The following DNAH8 variants were observed in gnomAD, a reference collection of about 807,000 sequenced individuals.
The protein encoded by DNAH8 is dynein axonemal heavy chain 8.
A neutral mutation model predicts 562.1 loss-of-function variants in DNAH8; 382 were observed. That is an observed-to-expected ratio of 0.68 (90% CI 0.63 to 0.74). The LOEUF (loss-of-function observed/expected upper bound fraction) is 0.74. Ranked by LOEUF, DNAH8 falls within the 30% of genes least tolerant of loss-of-function variation. DNAH8 has a pLI of 0.00. For synonymous variants in DNAH8, 1,881 were observed against 1,919.4 expected (o/e 0.98, Z 0.52); for missense variants, 5,203 against 5,620.4 (o/e 0.93, Z 2.37).
chr6:38,840,362 C>T (rs1426696001), intron 33 of DNAH8, among the ~76,000 whole-genome samples: 1 of 152,152 alleles, frequency 6.6e-6, no homozygotes, highest in Admixed American at 6.5e-5. Context: ...TCATCTATTT[C>T]CTTGAATACA....
chr6:38,918,104 A>G lies in DNAH8; in HGVS notation c.10488A>G (p.Ile3496Met). ...TGTCTTGGACACTTGCTATGGCAAT[A>G]TTTTATGGCATCAATAGAGAAGTGT... is the stretch of plus-strand genomic sequence containing the variant. ...GLLSWTLAMA[I>M]FYGINREVLP... Residue 3496 changes from isoleucine (I) to methionine (M), a missense_variant, in exon 70 of 93, where the codon ATA (isoleucine) becomes ATG (methionine). Transcript: ENST00000327475. 3.1e-6 allele frequency: 5 copies of G among 1,613,714 alleles called. No individual in the cohort carries two copies. In the South Asian group the frequency reaches 3.3e-5, roughly 11 times the overall value.
chr6:38,954,115 A>G (rs928301244), intron 82 of DNAH8, among the ~76,000 whole-genome samples: 2 of 152,192 alleles, frequency 1.3e-5, no homozygotes, highest in Admixed American at 6.5e-5. Context: ...ACTGGTCAAG[A>G]TCTGTAGTGA....
intron 12 of DNAH8, among the ~76,000 whole-genome samples, chr6:38,770,933 G>T (rs1470744606): frequency 6.6e-6 from 1 of 152,168 alleles, no homozygotes; most frequent in Non-Finnish European, 1.5e-5. Flanking sequence ...GGATGTATAA[G>T]CATGTCCTCT....
intron 80 of DNAH8, among the ~76,000 whole-genome samples, chr6:38,949,045 G>A (rs1020595931): frequency 2.0e-5 from 3 of 152,076 alleles, no homozygotes; most frequent in Non-Finnish European, 2.9e-5. Context: ...TTGATTGTTA[G>A]GACCCGGGTG....
chr6:39,030,587 G>T lies in DNAH8; in HGVS notation c.*195G>T. On this transcript the variant is annotated 3_prime_UTR_variant, in exon 93 of 93. Coordinates refer to ENST00000327475, the MANE Select transcript of DNAH8 (RefSeq NM_001206927.2). ...AATATTCAAAAAGATAACTCTAAAT[G>T]AATGTTTTTTATTCTGGGAAATCAT... 1.9e-6 allele frequency: 1 copy of T among 528,742 alleles called. No homozygotes were observed. 32.8% of individuals were successfully genotyped at this position (528,742 alleles called of 1,614,324 possible). A position where few individuals can be genotyped will look rare whatever the true frequency, so the allele number is the denominator to read the frequency against.
intron 32 of DNAH8, among the ~76,000 whole-genome samples, chr6:38,835,768 C>G (rs1333415154): frequency 6.6e-6 from 1 of 151,944 alleles, no homozygotes; most frequent in Non-Finnish European, 1.5e-5. Context: ...GCAGCGAGCA[C>G]CAGTGGAGGG....
rs181172269 is a variant in DNAH8 at position 38,992,315 on chromosome 6, C to A, written c.13214+2143C>A. Among the ~76,000 whole-genome samples, 209 of 152,286 alleles carry A rather than the reference C, an allele frequency of 1.4e-3. 1 individual carries two copies. Among genetic ancestry groups the A allele is most frequent in the African/African-American group, 4.6e-3 (193 of 41,558 alleles). ...TGATTTGTTATTGTCCAACAACCAC[C>A]ACTAAACCATAAGTTCCACTACACC... On this transcript the variant is annotated intron_variant, in intron 88 of 92. Coordinates refer to ENST00000327475, the MANE Select transcript of DNAH8 (RefSeq NM_001206927.2).
intron 21 of DNAH8, among the ~76,000 whole-genome samples, chr6:38,792,091 G>A (rs946923577): frequency 6.6e-6 from 1 of 151,988 alleles, no homozygotes; most frequent in Non-Finnish European, 1.5e-5. Flanking sequence ...GGCTTAGCCA[G>A]GACTTTTTTT....
intron 48 of DNAH8, among the ~76,000 whole-genome samples, chr6:38,869,738 A>AT (rs1289519415): frequency 6.6e-6 from 1 of 152,192 alleles, no homozygotes; most frequent in African/African-American, 2.4e-5. Context: ...GGGACTACAA[A>AT]TTATCATTTT....
chr6:38,723,289 A>AT (rs759525195), intron 2 of DNAH8, 48 bp from the exon 3 acceptor site: 486 of 1,578,408 alleles, frequency 3.1e-4, no homozygotes, highest in Non-Finnish European at 3.7e-4. Context: ...ACAGTTTGAT[A>AT]TTTTTTCTTC....
rs562930629 is a variant in DNAH8 at position 38,984,478 on chromosome 6, AC to A, written c.13053+172del. On this transcript the variant is annotated intron_variant, in intron 87 of 92. Transcript: ENST00000327475. ...CACACACGCACACACATGCACACAC[AC>A]ACACACACACACACACAACAACCAG... The A allele has an allele frequency of 1.9e-3, 1,087 of 557,830 alleles. 10 individuals carry two copies. Among genetic ancestry groups the A allele is most frequent in the African/African-American group, 0.019 (989 of 52,498 alleles). 34.6% of individuals were successfully genotyped at this position (557,830 alleles called of 1,614,324 possible).
rs148381082 is a variant in DNAH8, at chr6:38,939,849, G to A, written c.12007+861G>A. Among the ~76,000 whole-genome samples the A allele has an allele frequency of 1.0e-3, 155 of 152,316 alleles. 1 individual carries two copies. Among genetic ancestry groups the A allele is most frequent in the African/African-American group, 3.6e-3 (148 of 41,562 alleles). On this transcript the variant is annotated intron_variant, in intron 79 of 92. Transcript: ENST00000327475. The stretch of plus-strand genomic sequence containing the variant: ...CCCCATAAAGAAAGTGGCATTTGAG[G>A]TGGACCCTGAAGAGGTAGAAATGAG...
chr6:38,802,361 A>G (rs1021930368), intron 21 of DNAH8, among the ~76,000 whole-genome samples: 3 of 152,128 alleles, frequency 2.0e-5, no homozygotes, highest in African/African-American at 7.2e-5. Flanking sequence ...CTCTTGCTTC[A>G]GCCTCCTGAG....
intron 88 of DNAH8, among the ~76,000 whole-genome samples, chr6:39,000,623 C>T (rs1013356329): frequency 6.6e-6 from 1 of 152,194 alleles, no homozygotes; most frequent in African/African-American, 2.4e-5. Context: ...TTCCATCACC[C>T]CCAGATGGGA....
At chr6:38,823,789 A>G in intron 28 of DNAH8, 101 bp downstream of exon 28, 13 of 569,652 alleles carry the variant, frequency 2.3e-5, no homozygotes, top group Non-Finnish European at 3.8e-5. Context: ...CAATAGTATT[A>G]TACCAAGATA....
chr6:38,824,069 G>A (rs1211315585), intron 28 of DNAH8, among the ~76,000 whole-genome samples: 1 of 152,170 alleles, frequency 6.6e-6, no homozygotes, highest in Non-Finnish European at 1.5e-5. Flanking sequence ...GTATACATGA[G>A]ATGGGACTCA....
Position 38,853,362 on chromosome 6 carries a change from T to C in DNAH8, c.5733+15T>C. 1 of 1,605,682 alleles carries C rather than the reference T, an allele frequency of 6.2e-7. No individual in the cohort carries two copies. The highest frequency in any genetic ancestry group is 8.5e-7 in the Non-Finnish European group (1 of 1,177,240). ...TTCCAGCACAGGTGAGAATACACAA[T>C]GCTTAAGTAATGGTGAAAAGAAATG... On this transcript the variant is annotated intron_variant, in intron 41 of 92. Transcript: ENST00000327475.
At chr6:38,796,147 A>G (rs114519580) in intron 21 of DNAH8, among the ~76,000 whole-genome samples, 3,094 of 152,234 alleles carry the variant, frequency 0.02, 111 homozygotes, top group African/African-American at 0.069. Context: ...TCCTGACACT[A>G]CTGCACCCAC....
intron 79 of DNAH8, among the ~76,000 whole-genome samples, chr6:38,939,637 T>G (rs1256078565): frequency 2.0e-5 from 3 of 152,168 alleles, no homozygotes. Context: ...GAAACAAGTG[T>G]TGAGTCTAAA....
Sources: gnomAD v4.1 joint callset for allele counts (sites outside exome capture counted in the v4.1 genomes callset) on GRCh38, gnomAD v4.1.1 for gene constraint, MANE v1.5 for transcripts, NCBI Gene and HGNC (gene_info 2026-07-23, HGNC 2026-07-21) for gene names.